SETD5: variants seen among roughly 807,000 people sequenced by gnomAD.
The protein encoded by SETD5 is SET domain containing 5, also known as histone-lysine N-methyltransferase SETD5.
Under a neutral mutation model 153.3 loss-of-function variants are expected in SETD5, and 44 were observed. The ratio of observed to expected loss-of-function variants is 0.29; its 90% CI spans 0.23 to 0.37. SETD5 has a LOEUF of 0.37. Among genes scored for constraint, SETD5 ranks in the 10% least tolerant of loss-of-function variants. SETD5 has a pLI of 1.00. For missense variants in SETD5, 1,544 were observed against 1,768.0 expected (o/e 0.87, Z 2.27); for synonymous variants, 716 against 645.2 (o/e 1.11, Z -1.66).
At chr3:9,414,815 A>G (rs913552398) in intron 1 of SETD5, among the ~76,000 whole-genome samples, 4 of 147,646 alleles carry the variant, frequency 2.7e-5, no homozygotes, top group Admixed American at 6.8e-5. Flanking sequence ...TGGAGCATGG[A>G]TTTTTTTTTT....
At chr3:9,455,168 CTTTTTT>C (rs903600741) in intron 17 of SETD5, among the ~76,000 whole-genome samples, 57 of 99,900 alleles carry the variant, frequency 5.7e-4, no homozygotes, top group African/African-American at 1.1e-3. Flanking sequence ...TTCTTTTTTT[CTTTTTT>C]TTTTTTTTTT....
chr3:9,424,076 A>C (rs188715020), intron 1 of SETD5, among the ~76,000 whole-genome samples: 1 of 152,198 alleles, frequency 6.6e-6, no homozygotes, highest in Non-Finnish European at 1.5e-5. Context: ...CAGTTGTCGG[A>C]CATCGGGTTA....
Position 9,458,657 on chromosome 3 carries a change from G to T in SETD5, c.2476+4789G>T, listed in dbSNP as rs186579217. Among the ~76,000 whole-genome samples, 162 of 152,230 alleles carry T rather than the reference G, an allele frequency of 1.1e-3. 1 individual carries two copies. The highest frequency in any genetic ancestry group is 1.7e-3 in the Non-Finnish European group (116 of 67,998). On this transcript the variant is annotated intron_variant, in intron 17 of 22. Transcript: ENST00000402198. The stretch of plus-strand genomic sequence containing the variant: ...CAAACTGTATTAACCATGTTTTTGT[G>T]TCTATACTGCCTCTGTATTAATAGA...
chr3:9,404,018 T>TATTTTCATA (rs2035259913), intron 1 of SETD5, among the ~76,000 whole-genome samples: 1 of 152,228 alleles, frequency 6.6e-6, no homozygotes, highest in African/African-American at 2.4e-5. Flanking sequence ...TATGACAAGG[T>TATTTTCATA]TTTTCAAAAT....
rs2125187585 is a variant in SETD5, at chr3:9,441,666, A to G, written c.884A>G (p.Asp295Gly). 3 of 1,614,004 alleles carry G rather than the reference A, an allele frequency of 1.9e-6. No individual in the cohort carries two copies. Among genetic ancestry groups the G allele is most frequent in the Non-Finnish European group, 2.5e-6 (3 of 1,179,870 alleles). Residue 295 changes from aspartate to glycine, a missense_variant, in exon 9 of 23, where the codon GAC becomes GGC. By Grantham distance (94) the Asp-to-Gly change is moderately conservative. Transcript: ENST00000402198. Reference sequence around the variant, plus strand: ...AGGGCTGCAAGAGATTTGGCTTTGGACACTCTTATAATAGAGTATCGTGGG... The same window carrying G: ...AGGGCTGCAAGAGATTTGGCTTTGGGCACTCTTATAATAGAGTATCGTGGG... ...ILRAARDLAL[D>G]TLIIEYRGKV...
intron 1 of SETD5, among the ~76,000 whole-genome samples, chr3:9,411,416 ATTACAGT>A (rs967723435): frequency 6.6e-5 from 10 of 152,330 alleles, no homozygotes; most frequent in Admixed American, 5.9e-4. Flanking sequence ...ATCCTTCCTA[ATTACAGT>A]ATCTTAAAGT....
chr3:9,406,306 A>G (rs893100984), intron 1 of SETD5, among the ~76,000 whole-genome samples: 3 of 152,230 alleles, frequency 2.0e-5, no homozygotes, highest in Non-Finnish European at 4.4e-5. Context: ...AGTATGATTG[A>G]TTATATGCTG....
chr3:9,417,865 G>A (rs1296425298), intron 1 of SETD5, among the ~76,000 whole-genome samples: 2 of 149,056 alleles, frequency 1.3e-5, no homozygotes, highest in Admixed American at 6.7e-5. Flanking sequence ...CAGTGTCTAG[G>A]TTTCTTTCCA....
chr3:9,410,086 G>T (rs1200261299), intron 1 of SETD5, among the ~76,000 whole-genome samples: 2 of 152,156 alleles, frequency 1.3e-5, no homozygotes, highest in East Asian at 3.8e-4. Flanking sequence ...TTTCGTCATT[G>T]TGTGAACATC....
chr3:9,445,682 C>G lies in SETD5; in HGVS notation c.1466C>G (p.Pro489Arg), dbSNP rs374542281. Residue 489 changes from proline (P) to arginine (R), a missense_variant, in exon 13 of 23, where the codon CCA becomes CGA. By Grantham distance (103) the Pro-to-Arg change is moderately radical. Coordinates refer to ENST00000402198, the MANE Select transcript of SETD5 (RefSeq NM_001080517.3). ...HEEVDNPEEK[P>R]EEEKEEVIDD... Reference sequence around the variant, plus strand: ...GAAGTAGACAATCCAGAAGAAAAACCAGAAGAAGAGAAAGAAGAGGTTATA... The same window carrying G: ...GAAGTAGACAATCCAGAAGAAAAACGAGAAGAAGAGAAAGAAGAGGTTATA... The G allele has an allele frequency of 2.0e-5, 33 of 1,613,430 alleles. No homozygotes were observed. Among genetic ancestry groups the G allele is most frequent in the Non-Finnish European group, 2.5e-5 (30 of 1,179,702 alleles).
intron 16 of SETD5, among the ~76,000 whole-genome samples, chr3:9,450,112 C>G (rs954030457): frequency 1.3e-5 from 2 of 152,200 alleles, no homozygotes; most frequent in Non-Finnish European, 1.5e-5. Context: ...AAACCAAAAA[C>G]GTGTCTAGGA....
intron 3 of SETD5, among the ~76,000 whole-genome samples, chr3:9,432,575 A>G (rs1404807357): frequency 1.3e-5 from 2 of 152,210 alleles, no homozygotes; most frequent in Admixed American, 1.3e-4. Flanking sequence ...ATTAATATAA[A>G]TTACAAATTA....
At chr3:9,431,211 G>T in intron 3 of SETD5, 1 of 985,352 alleles carries the variant, frequency 1.0e-6, no homozygotes, top group African/African-American at 1.7e-5. Flanking sequence ...GCAAAACAAA[G>T]ATTTTTCTGA....
chr3:9,464,410 C>A lies in SETD5; in HGVS notation c.2477-15C>A. ...CTGTGGTTTCAAACTCTCATCCAAG[C>A]TTTGTGTTTCACAGACTTGTTGAGC... On this transcript the variant is annotated splice_polypyrimidine_tract_variant and intron_variant, in intron 17 of 22. Coordinates refer to ENST00000402198, the MANE Select transcript of SETD5 (RefSeq NM_001080517.3). The A allele has an allele frequency of 6.2e-7, 1 of 1,600,572 alleles. No homozygotes were observed. Among genetic ancestry groups the A allele is most frequent in the Non-Finnish European group, 8.6e-7 (1 of 1,169,472 alleles).
In SETD5 at chr3:9,397,672, C is replaced by CGCCGCCGCCGCTGCCGGGGGAGGGGCG. The variant is rs2033890498; in HGVS notation, c.-471_-470insTGCCGGGGGAGGGGCGGCCGCCGCCGC. The CGCCGCCGCCGCTGCCGGGGGAGGGGCG allele has an allele frequency of 5.5e-6, 1 of 180,272 alleles. No individual in the cohort carries two copies. Among genetic ancestry groups the CGCCGCCGCCGCTGCCGGGGGAGGGGCG allele is most frequent in the East Asian group, 1.6e-4 (1 of 6,238 alleles). The allele number at this position is 180,272 out of a possible 1,614,324, so 11.2% of individuals were successfully genotyped here. A position where few individuals can be genotyped will look rare whatever the true frequency, so the allele number is the denominator to read the frequency against. On this transcript the variant is annotated 5_prime_UTR_variant, in exon 1 of 23. Transcript: ENST00000402198. ...GAGCTGCCGCCGCCGCCGCCGCCGCCGCCGCCGCCGCCGCTGCCGGGGGAG... is the reference window on the plus strand; with the variant it reads ...GAGCTGCCGCCGCCGCCGCCGCCGCCGCCGCCGCCGCTGCCGGGGGAGGGGCGGCCGCCGCCGCCGCTGCCGGGGGAG...
intron 1 of SETD5, among the ~76,000 whole-genome samples, chr3:9,422,181 A>G (rs1420721012): frequency 1.3e-5 from 2 of 152,204 alleles, no homozygotes; most frequent in Non-Finnish European, 2.9e-5. Context: ...CTAAATTAGT[A>G]AATCGTGGCT....
chr3:9,465,749 A>G (rs1447087123), intron 18 of SETD5, among the ~76,000 whole-genome samples: 2 of 152,218 alleles, frequency 1.3e-5, no homozygotes, highest in East Asian at 3.8e-4. Flanking sequence ...TCCTGGTTAC[A>G]TATCAGTTAT....
intron 7 of SETD5, among the ~76,000 whole-genome samples, chr3:9,438,331 C>T (rs2040843550): frequency 2.6e-5 from 4 of 152,118 alleles, no homozygotes; most frequent in Admixed American, 2.6e-4. Context: ...TTTAAATAGA[C>T]TTTGGAGGCA....
At chr3:9,462,427 A>G (rs1459031531) in intron 17 of SETD5, among the ~76,000 whole-genome samples, 1 of 151,830 alleles carries the variant, frequency 6.6e-6, no homozygotes, top group African/African-American at 2.4e-5. Flanking sequence ...CTCTACTAAA[A>G]ATACAAAAAA....
Sources: gnomAD v4.1 joint callset for allele counts (sites outside exome capture counted in the v4.1 genomes callset) on GRCh38, gnomAD v4.1.1 for gene constraint, MANE v1.5 for transcripts, NCBI Gene and HGNC (gene_info 2026-07-23, HGNC 2026-07-21) for gene names.